The following UNC13C variants were observed in gnomAD, a reference collection of about 807,000 sequenced individuals.
The protein encoded by UNC13C is unc-13 homolog C.
In UNC13C, 174 loss-of-function variants were observed where a neutral mutation model predicts 245.4. The observed-to-expected ratio is 0.71, with a 90% CI of 0.63 to 0.80. UNC13C has a LOEUF of 0.80. Ranked by LOEUF, UNC13C falls within the 30% of genes least tolerant of loss-of-function variation. UNC13C has a pLI of 0.00. For synonymous variants in UNC13C, 992 were observed against 895.1 expected, an observed-to-expected ratio of 1.11 and a Z score of -1.93; for missense variants, 2,829 against 2,602.9, an observed-to-expected ratio of 1.09 and a Z score of -1.89.
intron 30 of UNC13C, among the ~76,000 whole-genome samples, chr15:54,589,289 CTTTTTTT>C (rs71105821): frequency 9.3e-5 from 5 of 53,486 alleles, no homozygotes; most frequent in Admixed American, 7.3e-4. Flanking sequence ...TCTTCTTCTT[CTTTTTTT>C]TTTTTTTTTT....
At chr15:53,878,569 G>A in the UNC13C span, among the ~76,000 whole-genome samples, 401 of 152,230 alleles carry the variant, frequency 2.6e-3, 2 homozygotes, top group African/African-American at 9.1e-3. Flanking sequence ...CAGCCCTGTC[G>A]TCCTGCTGAT....
chr15:54,368,020 C>A (rs1423089367), intron 17 of UNC13C, among the ~76,000 whole-genome samples: 1 of 152,122 alleles, frequency 6.6e-6, no homozygotes, highest in Non-Finnish European at 1.5e-5. Flanking sequence ...TGGACTGCAA[C>A]TAGGGTTCAC....
chr15:54,514,122 T>C (rs1444526105), intron 24 of UNC13C, among the ~76,000 whole-genome samples: 1 of 152,194 alleles, frequency 6.6e-6, no homozygotes, highest in East Asian at 1.9e-4. Context: ...GCAGAGTTCT[T>C]CCAATATTGT....
chr15:54,522,376 G>A (rs1200920661), intron 24 of UNC13C, among the ~76,000 whole-genome samples: 1 of 151,938 alleles, frequency 6.6e-6, no homozygotes, highest in Non-Finnish European at 1.5e-5. Flanking sequence ...TACTCTGGAG[G>A]GTGAGGCAGG....
intron 4 of UNC13C, among the ~76,000 whole-genome samples, chr15:54,151,339 A>G (rs2032505921): frequency 6.6e-6 from 1 of 152,176 alleles, no homozygotes; most frequent in South Asian, 2.1e-4. Context: ...ATGAAACCTC[A>G]GGATAATCCT....
intron 8 of UNC13C, among the ~76,000 whole-genome samples, chr15:54,259,300 A>G (rs2036362740): frequency 6.6e-6 from 1 of 152,220 alleles, no homozygotes; most frequent in Non-Finnish European, 1.5e-5. Context: ...GTATTAGTAC[A>G]TTTTCAGGCT....
chr15:53,963,026 T>A, the UNC13C span, among the ~76,000 whole-genome samples: 1 of 152,204 alleles, frequency 6.6e-6, no homozygotes, highest in Non-Finnish European at 1.5e-5. Context: ...TTTTTCACAT[T>A]ACCTTACAGA....
intron 4 of UNC13C, among the ~76,000 whole-genome samples, chr15:54,190,247 A>G (rs1289855781): frequency 6.6e-6 from 1 of 152,168 alleles, no homozygotes; most frequent in Non-Finnish European, 1.5e-5. Flanking sequence ...TCAGACATAC[A>G]AGCTTTTCTT....
intron 2 of UNC13C, among the ~76,000 whole-genome samples, chr15:54,103,240 G>A (rs535122848): frequency 6.6e-6 from 1 of 152,076 alleles, no homozygotes; most frequent in East Asian, 1.9e-4. Context: ...CATACATCTC[G>A]CCATTCTTTT....
intron 17 of UNC13C, among the ~76,000 whole-genome samples, chr15:54,355,506 A>G (rs1301941918): frequency 6.6e-6 from 1 of 151,880 alleles, no homozygotes; most frequent in Non-Finnish European, 1.5e-5. Context: ...ACAGGCACGC[A>G]CCACCAAACC....
intron 30 of UNC13C, among the ~76,000 whole-genome samples, chr15:54,585,899 A>G (rs1362712247): frequency 6.6e-6 from 1 of 152,192 alleles, no homozygotes; most frequent in Non-Finnish European, 1.5e-5. Flanking sequence ...TTCCCTTAGT[A>G]ATTGGGGTAA....
At chr15:54,335,945 T>TATGA (rs2038562861) in intron 16 of UNC13C, among the ~76,000 whole-genome samples, 3 of 152,042 alleles carry the variant, frequency 2.0e-5, no homozygotes, top group African/African-American at 7.2e-5. Flanking sequence ...TTTTCCATGT[T>TATGA]ATGTATGTAT....
chr15:54,154,664 G>A (rs968181403), intron 4 of UNC13C, among the ~76,000 whole-genome samples: 4 of 152,230 alleles, frequency 2.6e-5, no homozygotes, highest in East Asian at 1.9e-4. Context: ...TGAGGAGGAG[G>A]GTGCACTTTG....
At chr15:54,203,007 A>G (rs547091892) in intron 4 of UNC13C, among the ~76,000 whole-genome samples, 8 of 151,936 alleles carry the variant, frequency 5.3e-5, no homozygotes, top group African/African-American at 1.9e-4. Flanking sequence ...CTAAGGACAT[A>G]AATATACAAT....
intron 2 of UNC13C, among the ~76,000 whole-genome samples, chr15:54,054,278 T>C (rs998535833): frequency 2.0e-5 from 3 of 152,192 alleles, no homozygotes; most frequent in Admixed American, 6.5e-5. Flanking sequence ...ATGTACCACA[T>C]AGATGGTTCT....
the UNC13C span, among the ~76,000 whole-genome samples, chr15:53,960,319 A>G: frequency 1.3e-5 from 2 of 149,884 alleles, no homozygotes; most frequent in South Asian, 4.2e-4. Flanking sequence ...AGACTTATGT[A>G]TATAATCTAT....
chr15:53,857,236 C>A, the UNC13C span, among the ~76,000 whole-genome samples: 13 of 152,166 alleles, frequency 8.5e-5, no homozygotes, highest in South Asian at 6.2e-4. Flanking sequence ...ATTCGTGGAT[C>A]TTTGCTCAAT....
intron 2 of UNC13C, among the ~76,000 whole-genome samples, chr15:54,055,727 C>T (rs1897483823): frequency 6.6e-6 from 1 of 152,148 alleles, no homozygotes; most frequent in Non-Finnish European, 1.5e-5. Flanking sequence ...TTTATCCCTA[C>T]ATTTGTTTTC....
At chr15:54,478,754 G>T (rs1219292167) in intron 19 of UNC13C, among the ~76,000 whole-genome samples, 1 of 151,680 alleles carries the variant, frequency 6.6e-6, no homozygotes, top group East Asian at 1.9e-4. Flanking sequence ...TTTGGAATAG[G>T]TGTGGTGTGG....
Sources: allele counts gnomAD v4.1 joint callset (sites outside exome capture counted in the v4.1 genomes callset), GRCh38; gene constraint gnomAD v4.1.1; transcripts MANE v1.5; gene names NCBI Gene and HGNC (gene_info 2026-07-23, HGNC 2026-07-21).